The following P2RX4 variants were observed in gnomAD, a reference collection of about 807,000 sequenced individuals.
P2RX4 encodes the protein purinergic receptor P2X 4.
P2RX4 carries 37 observed loss-of-function variants against 48.0 expected under a neutral mutation model. That is an observed-to-expected ratio of 0.77 (90% CI 0.59 to 1.01). The LOEUF is 1.01. P2RX4 is among the 50% of genes least tolerant of loss of function. The pLI is 0.00. For missense variants in P2RX4, 501 were observed against 521.4 expected (o/e 0.96, Z 0.38); for synonymous variants, 200 against 199.7 (o/e 1.00, Z -0.01).
Position 121,210,443 on chromosome 12 carries a change from C to A in P2RX4, c.134+145C>A. 6.5e-6 allele frequency: 5 copies of A among 774,614 alleles called. No homozygotes were observed. The South Asian group carries it at 2.5e-4, about 39-fold the overall frequency. The allele number at this position is 774,614 out of a possible 1,614,324, so 48.0% of individuals were successfully genotyped here. On this transcript the variant is annotated intron_variant, in intron 1 of 11. Transcript: ENST00000337233. ...CACCTTCCCTGGGCCCCAGCCGCCG[C>A]GCCGGGGCCCCGGGGGCGGGAGGCT...
intron 2 of P2RX4, among the ~76,000 whole-genome samples, chr12:121,219,390 T>G (rs750875104): frequency 3.3e-5 from 5 of 152,174 alleles, no homozygotes; most frequent in African/African-American, 4.8e-5. Context: ...CTGACTGTTA[T>G]CCTCAGGAGT....
chr12:121,222,983 C>A lies in P2RX4; in HGVS notation c.464C>A (p.Ser155Tyr). ...GGCAGGTGCGTAGCTTTCAACGGGT[C>A]TGTCAAGACGTGTGAGGTGGCGGCC... is the stretch of plus-strand genomic sequence containing the variant. ...STGRCVAFNG[S>Y]VKTCEVAAWC... is the part of the protein sequence containing the mutation. The change falls in exon 5 of 12, where the codon TCT (serine) becomes TAT (tyrosine). Residue 155 changes from serine (S) to tyrosine (Y), a missense_variant. Around this residue, in one of 3 missense-constraint regions of P2RX4, gnomAD observed 295 missense variants for 275.3 expected, o/e 1.07. Coordinates refer to ENST00000337233, the MANE Select transcript of P2RX4 (RefSeq NM_002560.3). The A allele has an allele frequency of 1.9e-6, 3 of 1,613,780 alleles. No homozygotes were observed. Among genetic ancestry groups the A allele is most frequent in the Non-Finnish European group, 1.7e-6 (2 of 1,179,690 alleles).
Position 121,228,874 on chromosome 12 carries a change from C to T in P2RX4, c.747+8C>T, listed in dbSNP as rs780852663. 7.4e-6 allele frequency: 12 copies of T among 1,614,062 alleles called. No homozygotes were observed. In the South Asian group the frequency reaches 8.8e-5, roughly 12 times the overall value. Reference sequence around the variant, plus strand: ...CAGGACATGGCCGTGGAGGTGGGTGCGGGCCCTGGCTCTCCTGACCCAGCC... The same window carrying T: ...CAGGACATGGCCGTGGAGGTGGGTGTGGGCCCTGGCTCTCCTGACCCAGCC... On this transcript the variant is annotated splice_region_variant and intron_variant, in intron 7 of 11. Transcript: ENST00000337233.
Position 121,218,806 on chromosome 12 carries a change from T to C in P2RX4, c.282+1525T>C, listed in dbSNP as rs1886389074. ...TCTTTGTAGATGGAACACAGTCATC[T>C]ATTTGCAGCCCCTTGGCTCATCTCC... On this transcript the variant is annotated intron_variant, in intron 2 of 11. Transcript: ENST00000337233. 1.3e-5 allele frequency among the ~76,000 whole-genome samples: 2 copies of C among 152,204 alleles called. 1 individual carries two copies. Among genetic ancestry groups the C allele is most frequent in the Admixed American group, 1.3e-4 (2 of 15,264 alleles).
intron 4 of P2RX4, 145 bp from the exon 5 acceptor site, chr12:121,222,802 G>C (rs2136230753): frequency 6.5e-7 from 1 of 1,531,832 alleles, no homozygotes; most frequent in Non-Finnish European, 8.8e-7. Flanking sequence ...CTCCTGGACA[G>C]TGACACTGTC....
In P2RX4 at chr12:121,223,299, C is replaced by T. The variant is rs1886766143; in HGVS notation, c.524+256C>T. ...CCATGTTGGCCACGCTGGTCTCCAA[C>T]TCCTGACCTCAAGTGATCCACCTGC... On this transcript the variant is annotated intron_variant, in intron 5 of 11. Transcript: ENST00000337233. 3 of 436,830 alleles carry T rather than the reference C, an allele frequency of 6.9e-6. No homozygotes were observed. The East Asian group carries it at 1.4e-4, about 21-fold the overall frequency. 27.1% of individuals were successfully genotyped at this position (436,830 alleles called of 1,614,324 possible). A position where few individuals can be genotyped will look rare whatever the true frequency, so the allele number is the denominator to read the frequency against.
intron 8 of P2RX4, among the ~76,000 whole-genome samples, chr12:121,231,634 CA>C (rs1269097076): frequency 4.6e-5 from 7 of 152,126 alleles, no homozygotes; most frequent in African/African-American, 1.7e-4. Context: ...TTTTTATGGC[CA>C]AATCATATTC....
At chr12:121,218,284 G>C (rs1212970187) in intron 2 of P2RX4, among the ~76,000 whole-genome samples, 1 of 152,074 alleles carries the variant, frequency 6.6e-6, no homozygotes, top group Non-Finnish European at 1.5e-5. Flanking sequence ...TCAAGAGATT[G>C]AGACCATCCT....
rs1177555052 is a variant in P2RX4, at chr12:121,233,622, C to G, written c.*73C>G. The G allele has an allele frequency of 6.4e-7, 1 of 1,565,036 alleles. No individual in the cohort carries two copies. The highest frequency in any genetic ancestry group is 1.4e-5 in the African/African-American group (1 of 73,784). On this transcript the variant is annotated 3_prime_UTR_variant, in exon 12 of 12. Transcript: ENST00000337233. ...AGGAGGAGGAGGGAGAAATGGCCACCACATCACCCCAGAGAAATTTCTGGA... is the reference window on the plus strand; with the variant it reads ...AGGAGGAGGAGGGAGAAATGGCCACGACATCACCCCAGAGAAATTTCTGGA...
At chr12:121,212,791 A>AATATATATATATATATAT (rs779333692) in intron 1 of P2RX4, 6 of 60,494 alleles carry the variant, frequency 9.9e-5, no homozygotes, top group African/African-American at 7.5e-5. Context: ...CTCCATCTCA[A>AATATATATATATATATAT]ATATATATAT....
In P2RX4 at chr12:121,210,232, T is replaced by A; in HGVS notation, c.68T>A (p.Ile23Asn). 2 of 1,563,074 alleles carry A rather than the reference T, an allele frequency of 1.3e-6. No individual in the cohort carries two copies. Among genetic ancestry groups the A allele is most frequent in the South Asian group, 2.3e-5 (2 of 85,530 alleles). ...TACGACACGCCGCGCATCGTGCTCA[T>A]CCGCAGCCGCAAAGTGGGGCTCATG... ...FEYDTPRIVL[I>N]RSRKVGLMNR... is the part of the protein sequence containing the mutation. The change falls in exon 1 of 12, where the codon ATC becomes AAC. Residue 23 changes from isoleucine to asparagine, a missense_variant. By Grantham distance (149) the Ile-to-Asn change is moderately radical. This residue lies in a region of P2RX4 where 295 missense variants were observed against 275.3 expected (regional missense o/e 1.07). Transcript: ENST00000337233.
In P2RX4 at chr12:121,232,630, T is replaced by C. The variant is rs1887444323; in HGVS notation, c.998T>C (p.Ile333Thr). ...VFGKAGKFDIIPTMINIGSGL... is the reference protein window; with the variant it reads ...VFGKAGKFDITPTMINIGSGL... ...TGGCAGGCAGGGAAATTTGACATCA[T>C]CCCCACTATGATCAACATCGGCTCT... Residue 333 changes from isoleucine (I) to threonine (T), a missense_variant, in exon 10 of 12, where the codon ATC becomes ACC. Around this residue, in one of 3 missense-constraint regions of P2RX4, gnomAD observed 197 missense variants for 219.5 expected, o/e 0.90. Transcript: ENST00000337233. The surrounding 1 kb of genome is among the most constrained non-coding windows in gnomAD (Gnocchi z 4.3). 6.2e-7 allele frequency: 1 copy of C among 1,614,028 alleles called. No homozygotes were observed. The highest frequency in any genetic ancestry group is 2.2e-5 in the East Asian group (1 of 44,876).
chr12:121,216,964 T>C (rs957233773), intron 1 of P2RX4, 170 bp from the exon 2 acceptor site: 1 of 738,062 alleles, frequency 1.4e-6, no homozygotes, highest in Non-Finnish European at 2.4e-6. Context: ...GGTGCTACCA[T>C]CCCCATTTGG....
chr12:121,226,450 C>T (rs941771630), intron 5 of P2RX4, among the ~76,000 whole-genome samples: 4 of 151,504 alleles, frequency 2.6e-5, no homozygotes, highest in East Asian at 3.9e-4. Flanking sequence ...GGCTGAGGCA[C>T]GAGAATTGCT....
chr12:121,224,190 T>C (rs1886834445), intron 5 of P2RX4, among the ~76,000 whole-genome samples: 1 of 152,110 alleles, frequency 6.6e-6, no homozygotes, highest in African/African-American at 2.4e-5. Context: ...CCAAGTGACA[T>C]AGGCAAGCAT....
chr12:121,216,383 TACCTGTCTCATA>T (rs1565999552), intron 1 of P2RX4: 1 of 152,694 alleles, frequency 6.5e-6, no homozygotes, highest in Non-Finnish European at 1.5e-5. Context: ...ATAATAATGA[TACCTGTCTCATA>T]AAGTGGTCAG....
chr12:121,227,810 T>A (rs1259587591), intron 5 of P2RX4, among the ~76,000 whole-genome samples: 1 of 151,388 alleles, frequency 6.6e-6, no homozygotes, highest in Non-Finnish European at 1.5e-5. Context: ...ACATAGGGGC[T>A]GAACATGGTG....
In P2RX4 at chr12:121,230,982, A is replaced by ATT. The variant is rs1306580537; in HGVS notation, c.885-1420_885-1419dup. Reference sequence around the variant, plus strand: ...ATATATATAGCCATTATATATATATATTTTTTTTTTTTTCTTCTTTTTTAA... The same window carrying ATT: ...ATATATATAGCCATTATATATATATATTTTTTTTTTTTTTTCTTCTTTTTTAA... On this transcript the variant is annotated intron_variant, in intron 8 of 11. Coordinates refer to ENST00000337233, the MANE Select transcript of P2RX4 (RefSeq NM_002560.3). 5.3e-3 allele frequency among the ~76,000 whole-genome samples: 597 copies of ATT among 113,240 alleles called. 9 individuals carry two copies. The highest frequency in any genetic ancestry group is 0.019 in the African/African-American group (534 of 28,716). The allele number at this position is 113,240 out of a possible 152,430, so 74.3% of individuals were successfully genotyped here.
intron 8 of P2RX4, among the ~76,000 whole-genome samples, chr12:121,231,693 G>A (rs530720426): frequency 6.6e-6 from 1 of 152,166 alleles, no homozygotes; most frequent in African/African-American, 2.4e-5. Flanking sequence ...TCTGTGTGAC[G>A]AACGAGTGGT....
Sources: allele counts gnomAD v4.1 joint callset (sites outside exome capture counted in the v4.1 genomes callset), GRCh38; gene constraint gnomAD v4.1.1; regional missense constraint gnomAD v4.1.1; non-coding constraint Gnocchi (gnomAD v3.1); transcripts MANE v1.5; gene names NCBI Gene and HGNC (gene_info 2026-07-23, HGNC 2026-07-21).